FAHD1: variants seen among roughly 807,000 people sequenced by gnomAD.
FAHD1 encodes oxaloacetate tautomerase FAHD1, mitochondrial.
Under a neutral mutation model 12.7 loss-of-function variants are expected in FAHD1, and 14 were observed. The observed-to-expected ratio is 1.10, with a 90% CI of 0.73 to 1.72. The LOEUF (loss-of-function observed/expected upper bound fraction) is 1.72. Ranked by LOEUF, FAHD1 falls within the 40% of genes most tolerant of loss-of-function variation. FAHD1 has a pLI of 0.00. For synonymous variants in FAHD1, 153 were observed against 124.9 expected (o/e 1.22, Z -1.50); for missense variants, 351 against 298.9 (o/e 1.17, Z -1.29).
At chr16:1,831,057 G>A (rs547872186), downstream of FAHD1, among the ~76,000 whole-genome samples, 4 of 152,118 alleles carry the variant, frequency 2.6e-5, no homozygotes, top group South Asian at 2.1e-4. Context: ...CCATTATCAC[G>A]CTTAAGAAAA....
downstream of FAHD1, among the ~76,000 whole-genome samples, chr16:1,833,323 C>T (rs1407645307): frequency 6.6e-6 from 1 of 152,132 alleles, no homozygotes; most frequent in African/African-American, 2.4e-5. Flanking sequence ...TTGATTCAGA[C>T]TCAGTCATGT....
intron 1 of FAHD1, among the ~76,000 whole-genome samples, chr16:1,835,241 G>A (rs559102466): frequency 3.6e-4 from 54 of 150,914 alleles, no homozygotes; most frequent in African/African-American, 1.0e-3. Context: ...GTGACAGAGC[G>A]AGCAGAGTGA....
At chr16:1,829,168 C>G (rs1898578620), downstream of FAHD1, among the ~76,000 whole-genome samples, 1 of 152,204 alleles carries the variant, frequency 6.6e-6, no homozygotes, top group Non-Finnish European at 1.5e-5. Flanking sequence ...GCATAGCTGT[C>G]AATGCCTGGA....
intron 1 of FAHD1, among the ~76,000 whole-genome samples, chr16:1,835,710 G>A (rs529989946): frequency 2.6e-5 from 4 of 152,136 alleles, no homozygotes; most frequent in Non-Finnish European, 5.9e-5. Context: ...ACAGTGATTC[G>A]AATGACCCTG....
chr16:1,827,833 A>G lies in FAHD1; in HGVS notation c.595A>G (p.Asn199Asp), dbSNP rs940778463. ...AAAGGGAGTTGGACCGGTTAAAGAA[A>G]ACGATGAGATCGAGGCTGGCATACA... The change falls in exon 1 of 1, where the codon AAC becomes GAC. Residue 199 changes from asparagine (N) to aspartate (D), a missense_variant. By Grantham distance (23) the Asn-to-Asp change is conservative. Transcript: ENST00000427358. 4 of 1,614,018 alleles carry G rather than the reference A, an allele frequency of 2.5e-6. No homozygotes were observed. In the African/African-American group the frequency reaches 5.3e-5, roughly 22 times the overall value.
At chr16:1,830,940 A>C (rs796494501), downstream of FAHD1, among the ~76,000 whole-genome samples, 1 of 98,446 alleles carries the variant, frequency 1.0e-5, no homozygotes, top group Non-Finnish European at 2.2e-5. Flanking sequence ...ACACACACAC[A>C]CACACCCATA....
chr16:1,833,918 C>T (rs1034074917), intron 1 of FAHD1: 1 of 173,090 alleles, frequency 5.8e-6, no homozygotes, highest in African/African-American at 2.4e-5. Context: ...AAATCATTCA[C>T]TCAGGATTAA....
chr16:1,834,448 G>A (rs540350562), intron 1 of FAHD1: 17 of 734,212 alleles, frequency 2.3e-5, no homozygotes, highest in African/African-American at 1.2e-4. Flanking sequence ...CAATGATCAC[G>A]AATAGAGAAC....
At chr16:1,830,917 TACACACAC>T (rs1555470124), downstream of FAHD1, among the ~76,000 whole-genome samples, 343 of 114,850 alleles carry the variant, frequency 3.0e-3, 1 homozygote, top group Middle Eastern at 5.4e-3. Flanking sequence ...TCTCTCTCTA[TACACACAC>T]ACACACACAC....
chr16:1,829,889 G>A (rs569058081), downstream of FAHD1, among the ~76,000 whole-genome samples: 21 of 150,076 alleles, frequency 1.4e-4, no homozygotes, highest in African/African-American at 4.6e-4. Flanking sequence ...TTGAGATGGC[G>A]TTTAACTCTT....
chr16:1,831,431 G>C (rs1898618092), downstream of FAHD1, among the ~76,000 whole-genome samples: 1 of 152,126 alleles, frequency 6.6e-6, no homozygotes, highest in Non-Finnish European at 1.5e-5. Context: ...TGAACCCAAG[G>C]GGAAGCTCTG....
At chr16:1,835,710 G>C (rs529989946) in intron 1 of FAHD1, among the ~76,000 whole-genome samples, 19 of 152,254 alleles carry the variant, frequency 1.2e-4, no homozygotes, top group African/African-American at 3.9e-4. Context: ...ACAGTGATTC[G>C]AATGACCCTG....
chr16:1,827,751 C>T (rs763611579), exon 1 of FAHD1: 24 of 1,613,990 alleles, frequency 1.5e-5, no homozygotes, highest in Non-Finnish European at 8.5e-7. Flanking sequence ...ACATCATCAG[C>T]TATGTTTCTA....
intron 1 of FAHD1, chr16:1,837,916 A>C: frequency 6.9e-7 from 1 of 1,457,452 alleles, no homozygotes; most frequent in Non-Finnish European, 9.1e-7. Context: ...AAGTTTACAA[A>C]GAAAATTCAT....
intron 1 of FAHD1, among the ~76,000 whole-genome samples, chr16:1,835,603 C>T (rs576397446): frequency 3.3e-5 from 5 of 152,288 alleles, no homozygotes; most frequent in African/African-American, 1.2e-4. Context: ...GGTAGTCTGA[C>T]ATTGGCTAGA....
downstream of FAHD1, among the ~76,000 whole-genome samples, chr16:1,829,162 A>G (rs1203766108): frequency 6.6e-6 from 1 of 152,196 alleles, no homozygotes; most frequent in Non-Finnish European, 1.5e-5. Flanking sequence ...TGCACAGCAT[A>G]GCTGTCAATG....
intron 1 of FAHD1, among the ~76,000 whole-genome samples, chr16:1,834,912 G>A (rs1169435002): frequency 6.6e-6 from 1 of 150,982 alleles, no homozygotes; most frequent in Non-Finnish European, 1.5e-5. Flanking sequence ...TCCAGCTTGG[G>A]CAACTAGAGC....
At chr16:1,833,144 C>A (rs71385719), downstream of FAHD1, among the ~76,000 whole-genome samples, 1 of 152,160 alleles carries the variant, frequency 6.6e-6, no homozygotes, top group South Asian at 2.1e-4. Flanking sequence ...GAGTCTGCGC[C>A]CTGAAGCAAG....
chr16:1,838,645 C>A (rs1488948645), intron 2 of FAHD1, among the ~76,000 whole-genome samples: 1 of 151,974 alleles, frequency 6.6e-6, no homozygotes, highest in Non-Finnish European at 1.5e-5. Flanking sequence ...GTTGTTTTAC[C>A]CATCGTTACT....
Sources: allele counts gnomAD v4.1 joint callset (sites outside exome capture counted in the v4.1 genomes callset), GRCh38; gene constraint gnomAD v4.1.1; transcripts MANE v1.5; gene names NCBI Gene and HGNC (gene_info 2026-07-23, HGNC 2026-07-21).